Variants in CCDC81 observed in about 807,000 individuals in gnomAD.
CCDC81 encodes the protein coiled-coil domain containing 81, also known as coiled-coil domain-containing protein 81.
In CCDC81, 79 loss-of-function variants were observed where a neutral mutation model predicts 83.7. The observed-to-expected ratio is 0.94, with a 90% confidence interval of 0.79 to 1.14. The LOEUF is 1.14. Among genes scored for constraint, CCDC81 ranks in the 50% most tolerant of loss-of-function variants. The probability of loss-of-function intolerance (pLI) is 0.00; values close to 1 mark genes in which losing one functional copy is unlikely to be tolerated. For missense variants in CCDC81, 791 were observed against 778.1 expected (o/e 1.02, Z -0.20); for synonymous variants, 252 against 278.1 (o/e 0.91, Z 0.93).
intron 3 of CCDC81, among the ~76,000 whole-genome samples, chr11:86,388,451 C>T (rs185677397): frequency 2.0e-5 from 3 of 152,216 alleles, no homozygotes; most frequent in Non-Finnish European, 2.9e-5. Flanking sequence ...TGATTGTCCC[C>T]GCCCCCAGCA....
chr11:86,380,176 A>G (rs1344451758), intron 1 of CCDC81, among the ~76,000 whole-genome samples: 2 of 152,148 alleles, frequency 1.3e-5, no homozygotes, highest in African/African-American at 4.8e-5. Flanking sequence ...GTTTGTCTGA[A>G]AAATAATTTC....
Position 86,422,600 on chromosome 11 carries a change from AC to A in CCDC81, c.1846del (p.Gln616SerfsTer26). Reference sequence around the variant, plus strand: ...GCTTCAGACAAGCTGTTTCTCCTAGACCAGTGTGAGAAGTATCGGCGCTGCA... The same window carrying A: ...GCTTCAGACAAGCTGTTTCTCCTAGACAGTGTGAGAAGTATCGGCGCTGCA... ...ERASDKLFLL[D>X]QCEKYRRCKQ... is the part of the protein sequence containing the mutation. On this transcript the variant is annotated frameshift_variant, in exon 15 of 15. Coordinates refer to ENST00000445632, the MANE Select transcript of CCDC81 (RefSeq NM_001156474.2). LOFTEE classifies it high-confidence loss of function. The A allele has an allele frequency of 6.2e-7, 1 of 1,613,844 alleles. No individual in the cohort carries two copies. The highest frequency in any genetic ancestry group is 8.5e-7 in the Non-Finnish European group (1 of 1,179,862).
At chr11:86,378,468 A>G (rs1948128849) in intron 1 of CCDC81, among the ~76,000 whole-genome samples, 1 of 152,198 alleles carries the variant, frequency 6.6e-6, no homozygotes. Flanking sequence ...ACTAGTCTGT[A>G]GATATCAACT....
chr11:86,411,958 T>C (rs748153680), intron 10 of CCDC81, among the ~76,000 whole-genome samples: 2 of 152,228 alleles, frequency 1.3e-5, no homozygotes, highest in Non-Finnish European at 2.9e-5. Flanking sequence ...CCATTGACCA[T>C]GATTGCTTCC....
Position 86,422,652 on chromosome 11 carries a change from C to A in CCDC81, c.1896C>A (p.Asn632Lys). 1 of 1,614,072 alleles carries A rather than the reference C, an allele frequency of 6.2e-7. No individual in the cohort carries two copies. The highest frequency in any genetic ancestry group is 1.7e-5 in the Admixed American group (1 of 60,024). Residue 632 changes from asparagine (N) to lysine (K), a missense_variant, in exon 15 of 15, where the codon AAC becomes AAA. Physicochemically the swap from Asn to Lys is moderately conservative, Grantham distance 94 (BLOSUM62 0). Transcript: ENST00000445632. The stretch of plus-strand genomic sequence containing the variant: ...AGCAATGCCAGAGGCGCACCTCCAA[C>A]GTGGGCGAGAGCAACCTGTGGCCCC... Reference protein sequence around the residue: ...RCKQCQRRTSNVGESNLWPLN... With the variant: ...RCKQCQRRTSKVGESNLWPLN...
chr11:86,412,681 T>G (rs916824117), intron 11 of CCDC81, 122 bp downstream of exon 11: 4 of 864,868 alleles, frequency 4.6e-6, no homozygotes, highest in African/African-American at 3.4e-5. Context: ...CTGAGCAAAC[T>G]AACCCAGTTA....
chr11:86,395,547 A>G, intron 5 of CCDC81, 134 bp downstream of exon 5: 1 of 648,478 alleles, frequency 1.5e-6, no homozygotes, highest in South Asian at 2.0e-5. Flanking sequence ...CTCCCTCTCT[A>G]AATCCACCAA....
rs143584200 is a variant in CCDC81 at position 86,387,531 on chromosome 11, G to C, written c.157G>C (p.Ala53Pro). ...LTLHKGVQIP[A>P]FGTFTFIRQK... ...TTCCTTTCAGGGGGTTCAGATTCCAGCATTTGGAACTTTCACTTTCATAAG... is the reference window on the plus strand; with the variant it reads ...TTCCTTTCAGGGGGTTCAGATTCCACCATTTGGAACTTTCACTTTCATAAG... Residue 53 changes from alanine (A) to proline (P), a missense_variant, in exon 3 of 15, where the codon GCA (alanine) becomes CCA (proline). Physicochemically the swap from Ala to Pro is conservative, Grantham distance 27. Coordinates refer to ENST00000445632, the MANE Select transcript of CCDC81 (RefSeq NM_001156474.2). 3.1e-6 allele frequency: 5 copies of C among 1,613,880 alleles called. No homozygotes were observed. The highest frequency in any genetic ancestry group is 3.4e-6 in the Non-Finnish European group (4 of 1,179,952).
chr11:86,421,527 G>A (rs1359494704), intron 14 of CCDC81, among the ~76,000 whole-genome samples: 1 of 152,172 alleles, frequency 6.6e-6, no homozygotes, highest in Non-Finnish European at 1.5e-5. Flanking sequence ...AGCCAGGATG[G>A]TCTTGATCTC....
chr11:86,412,531 C>T lies in CCDC81; in HGVS notation c.1363C>T (p.Arg455Cys), dbSNP rs34903369. Residue 455 changes from arginine (R) to cysteine (C), a missense_variant, in exon 11 of 15, where the codon CGC becomes TGC. Physicochemically the swap from Arg to Cys is radical, Grantham distance 180 (BLOSUM62 -3). Coordinates refer to ENST00000445632, the MANE Select transcript of CCDC81 (RefSeq NM_001156474.2). The stretch of plus-strand genomic sequence containing the variant: ...AAGACAATACAGAGAGTTGATGGAC[C>T]GCCTGGAACAAGTGCAACTCACAGA... ...KQRQYRELMD[R>C]LEQVQLTEEL... is the part of the protein sequence containing the mutation. 4.1e-5 allele frequency: 66 copies of T among 1,611,058 alleles called. No individual in the cohort carries two copies. The highest frequency in any genetic ancestry group is 1.6e-4 in the Middle Eastern group (1 of 6,064).
At chr11:86,387,455 A>T (rs1161618741) in intron 2 of CCDC81, 61 bp from the exon 3 acceptor site, 2 of 1,505,908 alleles carry the variant, frequency 1.3e-6, no homozygotes, top group Non-Finnish European at 1.8e-6. Context: ...TAATAATATT[A>T]AGGATTATTT....
intron 6 of CCDC81, 111 bp from the exon 7 acceptor site, chr11:86,400,567 T>G: frequency 1.3e-5 from 14 of 1,097,274 alleles, no homozygotes; most frequent in Non-Finnish European, 1.4e-5. Context: ...GGGTGATTAT[T>G]TAAAGATAAG....
rs900372520 is a variant in CCDC81 at position 86,412,515 on chromosome 11, C to T, written c.1347C>T (p.Tyr449=). The T allele has an allele frequency of 6.2e-7, 1 of 1,613,570 alleles. No homozygotes were observed. The highest frequency in any genetic ancestry group is 1.3e-5 in the African/African-American group (1 of 75,010). The change falls in exon 11 of 15, where the codon TAC becomes TAT. Residue 449 remains tyrosine, a synonymous_variant. Coordinates refer to ENST00000445632, the MANE Select transcript of CCDC81 (RefSeq NM_001156474.2). ...RQENEIKQRQ[Y]RELMDRLEQV... is the part of the protein sequence containing the mutation. The stretch of plus-strand genomic sequence containing the variant: ...AAAACGAAATAAAGCAAAGACAATA[C>T]AGAGAGTTGATGGACCGCCTGGAAC...
At chr11:86,411,933 A>G (rs964772519) in intron 10 of CCDC81, among the ~76,000 whole-genome samples, 1 of 152,200 alleles carries the variant, frequency 6.6e-6, no homozygotes, top group African/African-American at 2.4e-5. Context: ...CATTCAGACA[A>G]TGAGCCAGGC....
At chr11:86,378,845 T>G (rs1259915241) in intron 1 of CCDC81, among the ~76,000 whole-genome samples, 1 of 152,168 alleles carries the variant, frequency 6.6e-6, no homozygotes, top group Non-Finnish European at 1.5e-5. Flanking sequence ...ACTTTTAATC[T>G]ATATGTTTTT....
rs759864896 is a variant in CCDC81, at chr11:86,375,267, T to C, written c.79+25T>C. The C allele has an allele frequency of 1.9e-6, 3 of 1,592,594 alleles. No individual in the cohort carries two copies. The African/African-American group carries it at 4.0e-5, about 21-fold the overall frequency. ...GGTAAGCGTGTTGGGTAGCAGGGGGTGGCCCTGGGGATTGAATCTTCATCT... is the reference window on the plus strand; with the variant it reads ...GGTAAGCGTGTTGGGTAGCAGGGGGCGGCCCTGGGGATTGAATCTTCATCT... On this transcript the variant is annotated intron_variant, in intron 1 of 14. Coordinates refer to ENST00000445632, the MANE Select transcript of CCDC81 (RefSeq NM_001156474.2).
chr11:86,408,072 G>C, intron 8 of CCDC81, 55 bp from the exon 9 acceptor site: 1 of 1,579,382 alleles, frequency 6.3e-7, no homozygotes, highest in Non-Finnish European at 8.6e-7. Context: ...AAGGGAATGC[G>C]AAAGCAAAAA....
At position 86,380,644 on chromosome 11, in the gene CCDC81, C is replaced by T. The variant is rs376204314; in HGVS notation, c.79+5402C>T. ...GGGTTTTTTTTTTCCAGTCTTTGTT[C>T]GCTTTCCTTTTGAAGTTTCCTTGTC... On this transcript the variant is annotated intron_variant, in intron 1 of 14. Transcript: ENST00000445632. 2.8e-4 allele frequency among the ~76,000 whole-genome samples: 42 copies of T among 152,016 alleles called. 2 individuals carry two copies. Among genetic ancestry groups the T allele is most frequent in the African/African-American group, 9.6e-4 (40 of 41,494 alleles).
chr11:86,380,570 A>G (rs1593906211), intron 1 of CCDC81, among the ~76,000 whole-genome samples: 1 of 151,670 alleles, frequency 6.6e-6, no homozygotes, highest in East Asian at 1.9e-4. Context: ...TGGTATTCCC[A>G]TTATGGGTAC....
Sources: allele counts gnomAD v4.1 joint callset (sites outside exome capture counted in the v4.1 genomes callset), GRCh38; gene constraint gnomAD v4.1.1; transcripts MANE v1.5; gene names NCBI Gene and HGNC (gene_info 2026-07-23, HGNC 2026-07-21).